Variants in PCDHB15 observed in about 807,000 individuals in gnomAD.
The protein encoded by PCDHB15 is protocadherin beta-15.
For synonymous variants in PCDHB15, 492 were observed against 447.9 expected, an observed-to-expected ratio of 1.10 and a Z score of -1.24; for missense variants, 1,032 against 991.7, an observed-to-expected ratio of 1.04 and a Z score of -0.55.
chr5:141,246,295 C>T lies in PCDHB15; in HGVS notation c.717C>T (p.Ala239=), dbSNP rs781882101. The part of the protein sequence containing the change: ...LILVLDANDN[A]PEFVQALYEV... ...TGGTCTTGGACGCCAATGACAATGCCCCGGAGTTTGTGCAGGCGCTCTACG... is the reference window on the plus strand; with the variant it reads ...TGGTCTTGGACGCCAATGACAATGCTCCGGAGTTTGTGCAGGCGCTCTACG... Residue 239 remains alanine (A), a synonymous_variant, in exon 1 of 1, where the codon GCC becomes GCT. Transcript: ENST00000231173. The T allele has an allele frequency of 6.2e-7, 1 of 1,614,094 alleles. No homozygotes were observed. The highest frequency in any genetic ancestry group is 1.1e-5 in the South Asian group (1 of 91,078).
chr5:141,249,296 T>A lies in PCDHB15; in HGVS notation c.*1354T>A, dbSNP rs1554292506. 6.6e-6 allele frequency: 1 copy of A among 152,220 alleles called. No homozygotes were observed. 9.4% of individuals were successfully genotyped at this position (152,220 alleles called of 1,614,324 possible). ...CCCTCCTAACTGCCTGCTGTACAGATTTTGGACTTGTCCAGCCACGTTTCA... is the reference window on the plus strand; with the variant it reads ...CCCTCCTAACTGCCTGCTGTACAGAATTTGGACTTGTCCAGCCACGTTTCA... On this transcript the variant is annotated 3_prime_UTR_variant, in exon 1 of 1. Transcript: ENST00000231173.
chr5:141,246,573 C>T lies in PCDHB15; in HGVS notation c.995C>T (p.Ser332Phe). Residue 332 changes from serine (S) to phenylalanine (F), a missense_variant, in exon 1 of 1, where the codon TCT becomes TTT. Ser to Phe is a radical substitution (Grantham distance 155, BLOSUM62 -2). Coordinates refer to ENST00000231173, the MANE Select transcript of PCDHB15 (RefSeq NM_018935.4). ...GGCGGGGGACTTTCTGGAAAATGCT[C>T]TGTCTCTGTTAAGGTGCTGGATGTT... ...SDGGGLSGKC[S>F]VSVKVLDVND... 1 of 1,614,186 alleles carries T rather than the reference C, an allele frequency of 6.2e-7. No homozygotes were observed. Among genetic ancestry groups the T allele is most frequent in the Non-Finnish European group, 8.5e-7 (1 of 1,180,030 alleles).
rs782297934 is a variant in PCDHB15, at chr5:141,247,672, T to G, written c.2094T>G (p.Ser698=). The change falls in exon 1 of 1, where the codon TCT becomes TCG. Residue 698 remains serine, a synonymous_variant. Coordinates refer to ENST00000231173, the MANE Select transcript of PCDHB15 (RefSeq NM_018935.4). Reference sequence around the variant, plus strand: ...TGGTGGTGGCATTGGCCTCGGTGTCTTCGCTCTTCCTCTTCTCGGTGTTCC... The same window carrying G: ...TGGTGGTGGCATTGGCCTCGGTGTCGTCGCTCTTCCTCTTCTCGGTGTTCC... The part of the protein sequence containing the change: ...VYLVVALASV[S]SLFLFSVFLF... 44 of 1,610,362 alleles carry G rather than the reference T, an allele frequency of 2.7e-5. No individual in the cohort carries two copies. The South Asian group carries it at 3.5e-4, about 13-fold the overall frequency.
chr5:141,247,484 G>A lies in PCDHB15; in HGVS notation c.1906G>A (p.Ala636Thr), dbSNP rs782664460. 12 of 1,608,584 alleles carry A rather than the reference G, an allele frequency of 7.5e-6. No individual in the cohort carries two copies. In the South Asian group the frequency reaches 8.8e-5, roughly 12 times the overall value. The change falls in exon 1 of 1, where the codon GCC (alanine) becomes ACC (threonine). Residue 636 changes from alanine (A) to threonine (T), a missense_variant. Coordinates refer to ENST00000231173, the MANE Select transcript of PCDHB15 (RefSeq NM_018935.4). ...TARLLSERDV[A>T]KHRLVVLVKD... ...CAGGCTGCTGAGCGAGCGCGACGTG[G>A]CCAAGCACAGGCTAGTGGTGCTGGT...
In PCDHB15 at chr5:141,247,414, C is replaced by A. The variant is rs377347856; in HGVS notation, c.1836C>A (p.Pro612=). ...ACCAGCTGCTCAAGGCCACGGAGCC[C>A]GGGCTGTTCGGCGTGTGGGCGCACA... ...LSYQLLKATE[P]GLFGVWAHNG... The change falls in exon 1 of 1, where the codon CCC becomes CCA. Residue 612 remains proline (P), a synonymous_variant. Transcript: ENST00000231173. 6 of 1,605,764 alleles carry A rather than the reference C, an allele frequency of 3.7e-6. No individual in the cohort carries two copies. The highest frequency in any genetic ancestry group is 4.5e-5 in the East Asian group (2 of 44,868).
In PCDHB15 at chr5:141,245,894, T is replaced by G. The variant is rs781812613; in HGVS notation, c.316T>G (p.Phe106Val). ...CGPTEPCIMH[F>V]QVLLKKPLEV... ...CCCTACTGAGCCCTGTATAATGCAT[T>G]TCCAAGTGTTACTGAAAAAACCTTT... is the stretch of plus-strand genomic sequence containing the variant. Residue 106 changes from phenylalanine (F) to valine (V), a missense_variant, in exon 1 of 1, where the codon TTC (phenylalanine) becomes GTC (valine). Physicochemically the swap from Phe to Val is conservative, Grantham distance 50 (BLOSUM62 -1). Transcript: ENST00000231173. 6.2e-7 allele frequency: 1 copy of G among 1,614,196 alleles called. No homozygotes were observed. The highest frequency in any genetic ancestry group is 1.7e-5 in the Admixed American group (1 of 60,018).
rs1554291761 is a variant in PCDHB15 at position 141,245,673 on chromosome 5, G to A, written c.95G>A (p.Arg32His). ...ACTCTGGCAGGCTGGGAACCCCGTC[G>A]CTATTCTGTGATGGAGGAAACAGAG... ...EVTLAGWEPR[R>H]YSVMEETERG... is the part of the protein sequence containing the mutation. The change falls in exon 1 of 1, where the codon CGC (arginine) becomes CAC (histidine). Residue 32 changes from arginine (R) to histidine (H), a missense_variant. By Grantham distance (29) the Arg-to-His change is conservative (BLOSUM62 0). Transcript: ENST00000231173. 2 of 1,614,184 alleles carry A rather than the reference G, an allele frequency of 1.2e-6. No homozygotes were observed. Among genetic ancestry groups the A allele is most frequent in the Non-Finnish European group, 8.5e-7 (1 of 1,180,030 alleles).
In PCDHB15 at chr5:141,248,075, A is replaced by C; in HGVS notation, c.*133A>C. 2.6e-6 allele frequency: 2 copies of C among 758,514 alleles called. No individual in the cohort carries two copies. The highest frequency in any genetic ancestry group is 2.0e-6 in the Non-Finnish European group (1 of 507,660). 47.0% of individuals were successfully genotyped at this position (758,514 alleles called of 1,614,324 possible). A position where few individuals can be genotyped will look rare whatever the true frequency, so the allele number is the denominator to read the frequency against. ...TTCTACTGTTGTCTTTAGTAATGTT[A>C]CTCATTTCCTTTGTCTGATTGTTAG... On this transcript the variant is annotated 3_prime_UTR_variant, in exon 1 of 1. Coordinates refer to ENST00000231173, the MANE Select transcript of PCDHB15 (RefSeq NM_018935.4).
rs782303033 is a variant in PCDHB15, at chr5:141,247,010, A to T, written c.1432A>T (p.Arg478Ter). ...LHIGSVSATD[R>*]DSGTNAQVTY... is the part of the protein sequence containing the mutation. ...CATCGGCAGTGTCAGCGCCACAGAC[A>T]GAGACTCGGGCACCAACGCCCAGGT... The change falls in exon 1 of 1, where the codon AGA (arginine) becomes TGA (stop). Residue 478 changes from arginine (R) to a stop codon, truncating the protein, a stop_gained. Transcript: ENST00000231173. LOFTEE classifies it low-confidence loss of function (END_TRUNC). The T allele has an allele frequency of 1.9e-6, 3 of 1,613,438 alleles. No individual in the cohort carries two copies. The highest frequency in any genetic ancestry group is 2.2e-5 in the East Asian group (1 of 44,856).
rs568412277 is a variant in PCDHB15 at position 141,245,410 on chromosome 5, TAA to T, written c.-168_-167del. ...TAGCTACTTCAGACCTCTTTCAGCC[TAA>T]GAGGAAAGCCTGTTAGCAGAGCACG... is the stretch of plus-strand genomic sequence containing the variant. On this transcript the variant is annotated 5_prime_UTR_variant, in exon 1 of 1. Coordinates refer to ENST00000231173, the MANE Select transcript of PCDHB15 (RefSeq NM_018935.4). The T allele has an allele frequency of 4.7e-3, 2,883 of 611,478 alleles. 16 individuals carry two copies. The highest frequency in any genetic ancestry group is 5.7e-3 in the Middle Eastern group (13 of 2,270). The allele number at this position is 611,478 out of a possible 1,614,324, so 37.9% of individuals were successfully genotyped here.
At position 141,246,078 on chromosome 5, in the gene PCDHB15, T is replaced by A. The variant is rs782096836; in HGVS notation, c.500T>A (p.Val167Asp). The A allele has an allele frequency of 1.2e-6, 2 of 1,614,002 alleles. No homozygotes were observed. The highest frequency in any genetic ancestry group is 2.7e-5 in the African/African-American group (2 of 74,906). ...ARDLDVGSNNVQNYNISPNSH... is the reference protein window; with the variant it reads ...ARDLDVGSNNDQNYNISPNSH... ...GACTTGGACGTGGGCAGCAATAATG[T>A]TCAAAACTACAATATTTCTCCCAAT... Residue 167 changes from valine (V) to aspartate (D), a missense_variant, in exon 1 of 1, where the codon GTT becomes GAT. Transcript: ENST00000231173.
rs1381079423 is a variant in PCDHB15, at chr5:141,245,664, A to G, written c.86A>G (p.Glu29Gly). 4 of 1,614,076 alleles carry G rather than the reference A, an allele frequency of 2.5e-6. No individual in the cohort carries two copies. The African/African-American group carries it at 5.3e-5, about 22-fold the overall frequency. The change falls in exon 1 of 1, where the codon GAA becomes GGA. Residue 29 changes from glutamate to glycine, a missense_variant. Physicochemically the swap from Glu to Gly is moderately conservative, Grantham distance 98. Coordinates refer to ENST00000231173, the MANE Select transcript of PCDHB15 (RefSeq NM_018935.4). ...LLLEVTLAGW[E>G]PRRYSVMEET... is the part of the protein sequence containing the mutation. ...CTGGAAGTGACTCTGGCAGGCTGGGAACCCCGTCGCTATTCTGTGATGGAG... is the reference window on the plus strand; with the variant it reads ...CTGGAAGTGACTCTGGCAGGCTGGGGACCCCGTCGCTATTCTGTGATGGAG...
rs144247052 is a variant in PCDHB15 at position 141,247,638 on chromosome 5, C to G, written c.2060C>G (p.Thr687Ser). The G allele has an allele frequency of 3.1e-6, 5 of 1,610,340 alleles. No homozygotes were observed. Among genetic ancestry groups the G allele is most frequent in the African/African-American group, 1.3e-5 (1 of 74,906 alleles). ...GCCCAAGCCCAGGCCGACTCGCTTA[C>G]CGTCTACCTGGTGGTGGCATTGGCC... is the stretch of plus-strand genomic sequence containing the variant. ...APAQAQADSL[T>S]VYLVVALASV... is the part of the protein sequence containing the mutation. The change falls in exon 1 of 1, where the codon ACC (threonine) becomes AGC (serine). Residue 687 changes from threonine to serine, a missense_variant. Physicochemically the swap from Thr to Ser is moderately conservative, Grantham distance 58. Transcript: ENST00000231173.
In PCDHB15 at chr5:141,247,600, A is replaced by G. The variant is rs781843545; in HGVS notation, c.2022A>G (p.Pro674=). The change falls in exon 1 of 1, where the codon CCA becomes CCG. Residue 674 remains proline, a synonymous_variant. Transcript: ENST00000231173. ...DGFSQPYLPL[P]EAAPAQAQAD... ...TCTCTCAGCCCTACCTGCCGCTCCC[A>G]GAGGCGGCCCCGGCCCAAGCCCAGG... The G allele has an allele frequency of 4.3e-6, 7 of 1,610,178 alleles. No homozygotes were observed. Among genetic ancestry groups the G allele is most frequent in the East Asian group, 2.2e-5 (1 of 44,868 alleles).
rs782804128 is a variant in PCDHB15, at chr5:141,247,453, C to T, written c.1875C>T (p.Arg625=). ...FGVWAHNGEV[R]TARLLSERDV... ...TGTGGGCGCACAATGGCGAGGTGCG[C>T]ACCGCCAGGCTGCTGAGCGAGCGCG... The change falls in exon 1 of 1, where the codon CGC becomes CGT. Residue 625 remains arginine (R), a synonymous_variant. Coordinates refer to ENST00000231173, the MANE Select transcript of PCDHB15 (RefSeq NM_018935.4). 11 of 1,607,550 alleles carry T rather than the reference C, an allele frequency of 6.8e-6. No individual in the cohort carries two copies. In the East Asian group the frequency reaches 2.2e-4, roughly 33 times the overall value.
chr5:141,247,424 G>T lies in PCDHB15; in HGVS notation c.1846G>T (p.Gly616Cys). The change falls in exon 1 of 1, where the codon GGC becomes TGC. Residue 616 changes from glycine to cysteine, a missense_variant. By Grantham distance (159) the Gly-to-Cys change is radical (BLOSUM62 -3). Transcript: ENST00000231173. Reference protein sequence around the residue: ...LLKATEPGLFGVWAHNGEVRT... With the variant: ...LLKATEPGLFCVWAHNGEVRT... ...CAAGGCCACGGAGCCCGGGCTGTTC[G>T]GCGTGTGGGCGCACAATGGCGAGGT... 1 of 1,606,140 alleles carries T rather than the reference G, an allele frequency of 6.2e-7. No individual in the cohort carries two copies. Among genetic ancestry groups the T allele is most frequent in the Non-Finnish European group, 8.5e-7 (1 of 1,179,512 alleles).
Position 141,247,420 on chromosome 5 carries a change from G to A in PCDHB15, c.1842G>A (p.Leu614=), listed in dbSNP as rs782252865. 25 of 1,606,030 alleles carry A rather than the reference G, an allele frequency of 1.6e-5. No individual in the cohort carries two copies. Among genetic ancestry groups the A allele is most frequent in the Admixed American group, 3.3e-5 (2 of 59,968 alleles). Residue 614 remains leucine, a synonymous_variant, in exon 1 of 1, where the codon CTG becomes CTA. Transcript: ENST00000231173. The part of the protein sequence containing the change: ...YQLLKATEPG[L]FGVWAHNGEV... Reference sequence around the variant, plus strand: ...TGCTCAAGGCCACGGAGCCCGGGCTGTTCGGCGTGTGGGCGCACAATGGCG... The same window carrying A: ...TGCTCAAGGCCACGGAGCCCGGGCTATTCGGCGTGTGGGCGCACAATGGCG...
chr5:141,248,536 TTC>T lies in PCDHB15; in HGVS notation c.*596_*597del, dbSNP rs782194381. 8.5e-5 allele frequency: 13 copies of T among 152,290 alleles called. No homozygotes were observed. The highest frequency in any genetic ancestry group is 1.3e-4 in the Non-Finnish European group (9 of 68,086). The allele number at this position is 152,290 out of a possible 1,614,324, so 9.4% of individuals were successfully genotyped here. ...CATAAAAATATATCTGCGTAATGTATTCTGTCTCATGTAAATTAACATAGAAA... is the reference window on the plus strand; with the variant it reads ...CATAAAAATATATCTGCGTAATGTATTGTCTCATGTAAATTAACATAGAAA... On this transcript the variant is annotated 3_prime_UTR_variant, in exon 1 of 1. Coordinates refer to ENST00000231173, the MANE Select transcript of PCDHB15 (RefSeq NM_018935.4).
At position 141,246,425 on chromosome 5, in the gene PCDHB15, TACAGCTCTCAGGAG is replaced by T; in HGVS notation, c.849_862del (p.Ser284ArgfsTer5). 5 of 1,614,130 alleles carry T rather than the reference TACAGCTCTCAGGAG, an allele frequency of 3.1e-6. No homozygotes were observed. The highest frequency in any genetic ancestry group is 1.6e-4 in the Middle Eastern group (1 of 6,062). On this transcript the variant is annotated frameshift_variant, in exon 1 of 1. Transcript: ENST00000231173. LOFTEE classifies it low-confidence loss of function (END_TRUNC). ...TGGAGAGATATCATACTCCCTTTAT[TACAGCTCTCAGGAG>T]ATAGACAAACCTTTTGAGCTAAGCA...
Sources: gnomAD v4.1 joint callset for allele counts on GRCh38, gnomAD v4.1.1 for gene constraint, MANE v1.5 for transcripts, NCBI Gene and HGNC (gene_info 2026-07-23, HGNC 2026-07-21) for gene names.